The following MSI2 variants were observed in gnomAD, a reference collection of about 807,000 sequenced individuals.
The protein encoded by MSI2 is musashi RNA binding protein 2.
A neutral mutation model predicts 45.6 loss-of-function variants in MSI2; 17 were observed. The observed-to-expected ratio is 0.37, with a 90% CI of 0.26 to 0.56. The LOEUF (loss-of-function observed/expected upper bound fraction) is 0.56, where lower values mean the gene tolerates loss of function less well. Ranked by LOEUF, MSI2 falls within the 20% of genes least tolerant of loss-of-function variation. The pLI is 0.77. For missense variants in MSI2, 293 were observed against 444.2 expected (o/e 0.66, Z 3.06); for synonymous variants, 156 against 158.2 (o/e 0.99, Z 0.11).
Position 57,587,582 on chromosome 17 carries a change from G to A in MSI2, c.455-9286G>A, listed in dbSNP as rs931058948. On this transcript the variant is annotated intron_variant, in intron 7 of 13. Coordinates refer to ENST00000284073, the MANE Select transcript of MSI2 (RefSeq NM_138962.4). Reference sequence around the variant, plus strand: ...ACTCCCCCCAGCCCCAAAGGTGGCTGCAGAGGCGCAGGTGTGAGCTGGCTC... The same window carrying A: ...ACTCCCCCCAGCCCCAAAGGTGGCTACAGAGGCGCAGGTGTGAGCTGGCTC... Among the ~76,000 whole-genome samples the A allele has an allele frequency of 3.4e-5, 5 of 149,164 alleles. No homozygotes were observed. The East Asian group carries it at 9.9e-4, about 30-fold the overall frequency.
At chr17:57,338,286 C>T (rs1300573788) in intron 5 of MSI2, among the ~76,000 whole-genome samples, 1 of 152,172 alleles carries the variant, frequency 6.6e-6, no homozygotes, top group Non-Finnish European at 1.5e-5. Flanking sequence ...GATGGGGTTT[C>T]ACCATGTTGG....
chr17:57,501,849 T>C lies in MSI2; in HGVS notation c.406-27827T>C, dbSNP rs115112840. Among the ~76,000 whole-genome samples the C allele has an allele frequency of 2.1e-3, 322 of 152,336 alleles. 1 individual carries two copies. Among genetic ancestry groups the C allele is most frequent in the African/African-American group, 7.5e-3 (313 of 41,578 alleles). On this transcript the variant is annotated intron_variant, in intron 6 of 13. Coordinates refer to ENST00000284073, the MANE Select transcript of MSI2 (RefSeq NM_138962.4). ...GAAGATTTAGATTTTCTGTGTCAGATGATGTATTTAAGATAACTTCAGTCA... is the reference window on the plus strand; with the variant it reads ...GAAGATTTAGATTTTCTGTGTCAGACGATGTATTTAAGATAACTTCAGTCA...
At chr17:57,675,511 A>G (rs751296007) in intron 12 of MSI2, among the ~76,000 whole-genome samples, 5 of 152,194 alleles carry the variant, frequency 3.3e-5, no homozygotes, top group Admixed American at 6.5e-5. Context: ...GCTGGCACGT[A>G]ATAGGGCCTC....
intron 10 of MSI2, among the ~76,000 whole-genome samples, chr17:57,637,406 A>G (rs534435975): frequency 2.6e-5 from 4 of 152,206 alleles, no homozygotes; most frequent in African/African-American, 4.8e-5. Context: ...CACGGTGCCT[A>G]ATAGGCACTT....
Position 57,493,319 on chromosome 17 carries a change from A to T in MSI2, c.406-36357A>T, listed in dbSNP as rs369889659. ...ATTGCTGTTACACTGGGGATTTCTG[A>T]TCTGTCTCTGATAAAATCTGGTTGC... On this transcript the variant is annotated intron_variant, in intron 6 of 13. Coordinates refer to ENST00000284073, the MANE Select transcript of MSI2 (RefSeq NM_138962.4). Among the ~76,000 whole-genome samples, 99 of 152,206 alleles carry T rather than the reference A, an allele frequency of 6.5e-4. 2 individuals are homozygous for T. The South Asian group carries it at 0.021, about 32-fold the overall frequency.
intron 5 of MSI2, among the ~76,000 whole-genome samples, chr17:57,375,098 C>T (rs1314991105): frequency 6.6e-6 from 1 of 152,162 alleles, no homozygotes; most frequent in African/African-American, 2.4e-5. Flanking sequence ...TGGGTTAATG[C>T]AGCATCTTTA....
At chr17:57,665,506 C>A (rs1323433330) in intron 11 of MSI2, among the ~76,000 whole-genome samples, 2 of 152,168 alleles carry the variant, frequency 1.3e-5, no homozygotes, top group Non-Finnish European at 1.5e-5. Context: ...GGATTAAACT[C>A]CTGTGCTTTT....
At chr17:57,580,237 CT>C (rs1379347859) in intron 7 of MSI2, among the ~76,000 whole-genome samples, 2 of 152,206 alleles carry the variant, frequency 1.3e-5, no homozygotes, top group Non-Finnish European at 2.9e-5. Context: ...AACAGTTTGC[CT>C]TGGTTCAGAA....
intron 11 of MSI2, among the ~76,000 whole-genome samples, chr17:57,660,086 T>G (rs954841518): frequency 6.6e-6 from 1 of 152,348 alleles, no homozygotes; most frequent in Middle Eastern, 3.4e-3. Context: ...TCCTGGAAGC[T>G]CCATAGAAGA....
chr17:57,446,814 G>C (rs1448205469), intron 6 of MSI2, among the ~76,000 whole-genome samples: 1 of 152,200 alleles, frequency 6.6e-6, no homozygotes, highest in Admixed American at 6.5e-5. Flanking sequence ...AACCCACACG[G>C]ACAAAAGGCA....
chr17:57,619,246 G>C (rs1211194356), intron 9 of MSI2, among the ~76,000 whole-genome samples: 2 of 152,220 alleles, frequency 1.3e-5, no homozygotes, highest in Non-Finnish European at 2.9e-5. Flanking sequence ...CAGGTAGGGA[G>C]GCGGGGCAGG....
chr17:57,623,309 G>A (rs879406261), intron 9 of MSI2, among the ~76,000 whole-genome samples: 1 of 152,058 alleles, frequency 6.6e-6, no homozygotes, highest in African/African-American at 2.4e-5. Context: ...TCAAGTCTGG[G>A]GCCTGGTGGG....
Position 57,407,254 on chromosome 17 carries a change from T to A in MSI2, c.405+5783T>A, listed in dbSNP as rs1567806030. Among the ~76,000 whole-genome samples the A allele has an allele frequency of 6.6e-6, 1 of 152,018 alleles. No individual in the cohort carries two copies. Among genetic ancestry groups the A allele is most frequent in the African/African-American group, 2.4e-5 (1 of 41,360 alleles). On this transcript the variant is annotated intron_variant, in intron 6 of 13. Transcript: ENST00000284073. The surrounding 1 kb of genome is among the most constrained non-coding windows in gnomAD (Gnocchi z 4.1). ...GAGTGAGGCCCGAGGAAGCGCTGGG[T>A]GCCTGCGATCTCCCAGCTCCGGGGT... is the stretch of plus-strand genomic sequence containing the variant.
chr17:57,546,105 C>T (rs1177872509), intron 7 of MSI2, among the ~76,000 whole-genome samples: 5 of 152,182 alleles, frequency 3.3e-5, no homozygotes, highest in Non-Finnish European at 7.3e-5. Flanking sequence ...CAATTTATCA[C>T]GCACCTCATG....
chr17:57,562,359 G>A lies in MSI2; in HGVS notation c.454+32635G>A, dbSNP rs556507096. Among the ~76,000 whole-genome samples, 37 of 152,348 alleles carry A rather than the reference G, an allele frequency of 2.4e-4. No individual in the cohort carries two copies. The South Asian group carries it at 7.2e-3, about 30-fold the overall frequency. ...TCTTCTCATGGTGCTTTCATACACAGAGGAAGCATTCTTCTCTTAGCAAAG... is the reference window on the plus strand; with the variant it reads ...TCTTCTCATGGTGCTTTCATACACAAAGGAAGCATTCTTCTCTTAGCAAAG... On this transcript the variant is annotated intron_variant, in intron 7 of 13. Transcript: ENST00000284073.
chr17:57,502,870 A>C (rs1250934222), intron 6 of MSI2, among the ~76,000 whole-genome samples: 1 of 151,832 alleles, frequency 6.6e-6, no homozygotes, highest in Non-Finnish European at 1.5e-5. Context: ...TTGGGAGCAG[A>C]TGCACAGCTG....
chr17:57,540,257 T>TTAACA (rs2087013915), intron 7 of MSI2, among the ~76,000 whole-genome samples: 1 of 152,200 alleles, frequency 6.6e-6, no homozygotes, highest in Admixed American at 6.5e-5. Context: ...ACTTTGTCAT[T>TTAACA]ATCATATTAA....
intron 10 of MSI2, among the ~76,000 whole-genome samples, chr17:57,648,356 G>C (rs1226348346): frequency 6.6e-6 from 1 of 152,272 alleles, no homozygotes; most frequent in East Asian, 1.9e-4. Flanking sequence ...TAAGCACTTT[G>C]CATATATTAA....
intron 6 of MSI2, among the ~76,000 whole-genome samples, chr17:57,409,701 G>T (rs781348371): frequency 2.0e-5 from 3 of 152,128 alleles, no homozygotes; most frequent in Non-Finnish European, 4.4e-5. Flanking sequence ...CAAGTAGTGC[G>T]TGGGAGACAG....
Sources: allele counts gnomAD v4.1 joint callset (sites outside exome capture counted in the v4.1 genomes callset), GRCh38; gene constraint gnomAD v4.1.1; non-coding constraint Gnocchi (gnomAD v3.1); transcripts MANE v1.5; gene names NCBI Gene and HGNC (gene_info 2026-07-23, HGNC 2026-07-21).